Variants in TMEFF2 observed in about 807,000 individuals in gnomAD.
The protein encoded by TMEFF2 is transmembrane protein with EGF like and two follistatin like domains 2.
TMEFF2 carries 28 observed loss-of-function variants against 53.8 expected under a neutral mutation model. The ratio of observed to expected loss-of-function variants is 0.52; its 90% CI spans 0.39 to 0.71. The LOEUF is 0.71. TMEFF2 is among the 30% of genes least tolerant of loss of function. The probability of loss-of-function intolerance (pLI) is 0.00; values close to 1 mark genes in which losing one functional copy is unlikely to be tolerated. For synonymous variants in TMEFF2, 162 were observed against 166.3 expected (o/e 0.97, Z 0.20); for missense variants, 353 against 455.2 (o/e 0.78, Z 2.04).
In TMEFF2 at chr2:191,950,033, A is replaced by AGTATTTAT. The variant is rs1175598311; in HGVS notation, c.*270_*277dup. ...GAATGCCAATTTTTTCTCATCACTG[A>AGTATTTAT]GTATTTATTATATATAACAAATACA... On this transcript the variant is annotated 3_prime_UTR_variant, in exon 10 of 10. Transcript: ENST00000272771. 4.4e-6 allele frequency: 5 copies of AGTATTTAT among 1,139,218 alleles called. No homozygotes were observed. The highest frequency in any genetic ancestry group is 5.4e-6 in the Non-Finnish European group (5 of 920,466). The allele number at this position is 1,139,218 out of a possible 1,614,324, so 70.6% of individuals were successfully genotyped here. A position where few individuals can be genotyped will look rare whatever the true frequency, so the allele number is the denominator to read the frequency against.
At chr2:192,140,038 G>A (rs6746056) in intron 4 of TMEFF2, among the ~76,000 whole-genome samples, 2,208 of 152,192 alleles carry the variant, frequency 0.015, 47 homozygotes, top group African/African-American at 0.051. Context: ...AAAACTGACT[G>A]CTATCTTTGA....
rs978384101 is a variant in TMEFF2 at position 192,057,751 on chromosome 2, C to G, written c.464G>C (p.Ser155Thr). Reference protein sequence around the residue: ...DGVHEGSGETSQKETSTCDIC... With the variant: ...DGVHEGSGETTQKETSTCDIC... ...ATCACAGGTGGATGTCTCCTTTTGACTAGTTTCTCCAGAGCCTTCATGGAC... is the reference window on the plus strand; with the variant it reads ...ATCACAGGTGGATGTCTCCTTTTGAGTAGTTTCTCCAGAGCCTTCATGGAC... The change falls in exon 5 of 10, where the codon AGT (serine) becomes ACT (threonine). Residue 155 changes from serine (S) to threonine (T), a missense_variant. Ser to Thr is a moderately conservative substitution (Grantham distance 58). Around this residue, in one of 3 missense-constraint regions of TMEFF2, gnomAD observed 294 missense variants for 397.3 expected, o/e 0.74. Coordinates refer to ENST00000272771, the MANE Select transcript of TMEFF2 (RefSeq NM_016192.4). The G allele has an allele frequency of 6.2e-7, 1 of 1,613,970 alleles. No homozygotes were observed. The highest frequency in any genetic ancestry group is 8.5e-7 in the Non-Finnish European group (1 of 1,179,868).
At chr2:192,128,236 T>C (rs2105973751) in intron 4 of TMEFF2, among the ~76,000 whole-genome samples, 1 of 152,336 alleles carries the variant, frequency 6.6e-6, no homozygotes, top group African/African-American at 2.4e-5. Context: ...TCTATACATA[T>C]ATTTATTTTC....
At chr2:192,103,618 G>A (rs16834209) in intron 4 of TMEFF2, among the ~76,000 whole-genome samples, 17,348 of 151,898 alleles carry the variant, frequency 0.11, 1,350 homozygotes, top group African/African-American at 0.2. Context: ...TAAGCTTACA[G>A]GAAGGTAGTC....
intron 4 of TMEFF2, among the ~76,000 whole-genome samples, chr2:192,076,343 A>T (rs913506263): frequency 2.6e-5 from 4 of 152,048 alleles, no homozygotes; most frequent in African/African-American, 9.7e-5. Context: ...AGACTGATCA[A>T]TTAAATTCCT....
intron 4 of TMEFF2, among the ~76,000 whole-genome samples, chr2:192,074,753 C>T (rs1196205274): frequency 6.6e-6 from 1 of 151,896 alleles, no homozygotes; most frequent in Non-Finnish European, 1.5e-5. Flanking sequence ...GGTAGTGCTG[C>T]TCTAACAAGT....
intron 4 of TMEFF2, among the ~76,000 whole-genome samples, chr2:192,109,639 T>C (rs1440968570): frequency 1.3e-5 from 2 of 151,956 alleles, no homozygotes; most frequent in South Asian, 2.1e-4. Context: ...GCACTACATA[T>C]GGTGGGGAGG....
chr2:192,014,209 A>C (rs769560586), intron 5 of TMEFF2, among the ~76,000 whole-genome samples: 107 of 152,208 alleles, frequency 7.0e-4, no homozygotes, highest in Non-Finnish European at 5.7e-4. Context: ...TAGGTAGAAC[A>C]GGTTATTTTA....
rs1234461453 is a variant in TMEFF2, at chr2:192,109,322, A to G, written c.440-51547T>C. On this transcript the variant is annotated intron_variant, in intron 4 of 9. Transcript: ENST00000272771. Reference sequence around the variant, plus strand: ...GACATATACTGTTGATTCACATGCAATCTACTGCAAGTGAAATCTTTGCAA... The same window carrying G: ...GACATATACTGTTGATTCACATGCAGTCTACTGCAAGTGAAATCTTTGCAA... Among the ~76,000 whole-genome samples the G allele has an allele frequency of 2.6e-5, 4 of 152,058 alleles. No individual in the cohort carries two copies. The East Asian group carries it at 7.7e-4, about 29-fold the overall frequency.
At chr2:192,066,966 T>C (rs2105912244) in intron 4 of TMEFF2, among the ~76,000 whole-genome samples, 1 of 152,032 alleles carries the variant, frequency 6.6e-6, no homozygotes, top group African/African-American at 2.4e-5. Context: ...GATGAGAAAT[T>C]TCTTTTTTAT....
chr2:192,140,029 A>G (rs1004184379), intron 4 of TMEFF2, among the ~76,000 whole-genome samples: 9 of 152,280 alleles, frequency 5.9e-5, no homozygotes, highest in Admixed American at 2.6e-4. Flanking sequence ...AAGCTGGAAA[A>G]AACTGACTGC....
chr2:192,119,549 A>T (rs187502442), intron 4 of TMEFF2, among the ~76,000 whole-genome samples: 1 of 152,338 alleles, frequency 6.6e-6, no homozygotes, highest in East Asian at 1.9e-4. Context: ...TAGACCAATG[A>T]CTTCCAATTG....
Position 192,193,038 on chromosome 2 carries a change from G to A in TMEFF2, c.173-1049C>T, listed in dbSNP as rs113757711. Reference sequence around the variant, plus strand: ...TTTGTAAAGGATAAATTAGAATGATGCATAATAATTTTCCTTTTGGCATTT... The same window carrying A: ...TTTGTAAAGGATAAATTAGAATGATACATAATAATTTTCCTTTTGGCATTT... On this transcript the variant is annotated intron_variant, in intron 1 of 9. Coordinates refer to ENST00000272771, the MANE Select transcript of TMEFF2 (RefSeq NM_016192.4). Among the ~76,000 whole-genome samples the A allele has an allele frequency of 3.9e-3, 598 of 152,276 alleles. 6 individuals are homozygous for A. The highest frequency in any genetic ancestry group is 0.014 in the African/African-American group (568 of 41,550).
intron 5 of TMEFF2, chr2:192,044,309 G>A (rs1190207799): frequency 6.6e-6 from 1 of 152,174 alleles, no homozygotes; most frequent in Admixed American, 6.5e-5. Context: ...TTATTGGTAA[G>A]ACATTTGCAT....
intron 4 of TMEFF2, among the ~76,000 whole-genome samples, chr2:192,082,046 C>T (rs1487123421): frequency 6.6e-6 from 1 of 152,058 alleles, no homozygotes; most frequent in African/African-American, 2.4e-5. Flanking sequence ...ATGATCCACC[C>T]GTCTTGGCCT....
chr2:191,961,122 G>A (rs1692260423), intron 7 of TMEFF2, among the ~76,000 whole-genome samples: 1 of 151,980 alleles, frequency 6.6e-6, no homozygotes, highest in Non-Finnish European at 1.5e-5. Context: ...CTTAATTATG[G>A]GACATGCTAC....
At chr2:191,992,285 T>G (rs1357781314) in intron 7 of TMEFF2, among the ~76,000 whole-genome samples, 1 of 152,128 alleles carries the variant, frequency 6.6e-6, no homozygotes, top group Non-Finnish European at 1.5e-5. Flanking sequence ...TCTGGTGAAG[T>G]GCTCCTTGTG....
At chr2:192,023,751 A>G in intron 5 of TMEFF2, among the ~76,000 whole-genome samples, 1 of 152,124 alleles carries the variant, frequency 6.6e-6, no homozygotes. Flanking sequence ...TGCTAGTCAG[A>G]CACAGAATTA....
intron 7 of TMEFF2, among the ~76,000 whole-genome samples, chr2:191,981,426 C>G (rs1043494122): frequency 6.6e-6 from 1 of 152,186 alleles, no homozygotes; most frequent in Non-Finnish European, 1.5e-5. Flanking sequence ...TATAGTTACA[C>G]ACATCAGCTG....
Sources: gnomAD v4.1 joint callset for allele counts (sites outside exome capture counted in the v4.1 genomes callset) on GRCh38, gnomAD v4.1.1 for gene constraint, gnomAD v4.1.1 regional missense constraint, MANE v1.5 for transcripts, NCBI Gene and HGNC (gene_info 2026-07-23, HGNC 2026-07-21) for gene names.